The following KLHL22 variants were observed in gnomAD, a reference collection of about 807,000 sequenced individuals.
The protein encoded by KLHL22 is kelch-like protein 22.
KLHL22 carries 18 observed loss-of-function variants against 60.7 expected under a neutral mutation model. That is an observed-to-expected ratio of 0.30 (90% CI 0.20 to 0.44). KLHL22 has a LOEUF of 0.44. KLHL22 is among the 20% of genes least tolerant of loss of function. The probability of loss-of-function intolerance (pLI) is 1.00; values close to 1 mark genes in which losing one functional copy is unlikely to be tolerated. For missense variants in KLHL22, 596 were observed against 852.3 expected, an observed-to-expected ratio of 0.70 and a Z score of 3.74; for synonymous variants, 355 against 354.5, an observed-to-expected ratio of 1.00 and a Z score of -0.01.
chr22:20,472,344 C>A (rs1181965332), intron 2 of KLHL22, among the ~76,000 whole-genome samples: 1 of 150,682 alleles, frequency 6.6e-6, no homozygotes, highest in African/African-American at 2.4e-5. Context: ...TAATCCCAAC[C>A]CTCTGGGAGG....
intron 1 of KLHL22, among the ~76,000 whole-genome samples, chr22:20,490,243 T>A (rs1601395593): frequency 6.6e-6 from 1 of 152,212 alleles, no homozygotes; most frequent in Non-Finnish European, 1.5e-5. Context: ...TTACCTCCAG[T>A]CATGCATCAC....
chr22:20,486,923 C>T (rs1248179176), intron 2 of KLHL22, among the ~76,000 whole-genome samples: 3 of 151,698 alleles, frequency 2.0e-5, no homozygotes, highest in East Asian at 1.9e-4. Flanking sequence ...TCAAGTTATC[C>T]GCCCTCCTTG....
rs3071909 is a variant in KLHL22 at position 20,443,353 on chromosome 22, C to CAA, written c.1540-917_1540-916dup. ...AGATAGGATCAAGGGTACAAGAATA[C>CAA]AAAAAAAAAAAGGATTAAGGGTGCA... is the stretch of plus-strand genomic sequence containing the variant. On this transcript the variant is annotated intron_variant, in intron 6 of 6. Coordinates refer to ENST00000328879, the MANE Select transcript of KLHL22 (RefSeq NM_032775.4). Among the ~76,000 whole-genome samples the CAA allele has an allele frequency of 1.8e-3, 266 of 148,616 alleles. 1 individual carries two copies. Among genetic ancestry groups the CAA allele is most frequent in the Middle Eastern group, 0.014 (4 of 290 alleles).
intron 6 of KLHL22, among the ~76,000 whole-genome samples, chr22:20,445,127 C>A (rs1195017876): frequency 6.6e-6 from 1 of 151,934 alleles, no homozygotes; most frequent in Non-Finnish European, 1.5e-5. Context: ...AGAAAACATA[C>A]ACGGTCAATG....
In KLHL22 at chr22:20,467,437, C is replaced by A. The variant is rs562868019; in HGVS notation, c.394-1861G>T. ...AAGTTCCCCTAATAAACGCTCTGGC[C>A]AGATCACCCTGGTGTTTGATGCTTC... On this transcript the variant is annotated intron_variant, in intron 3 of 6. Transcript: ENST00000328879. 2.6e-5 allele frequency among the ~76,000 whole-genome samples: 4 copies of A among 152,312 alleles called. No homozygotes were observed. The South Asian group carries it at 8.3e-4, about 32-fold the overall frequency.
intron 2 of KLHL22, among the ~76,000 whole-genome samples, chr22:20,479,235 C>T (rs2053461894): frequency 6.6e-6 from 1 of 151,826 alleles, no homozygotes; most frequent in African/African-American, 2.4e-5. Flanking sequence ...CATGCACCAT[C>T]ATGCCTGGCC....
chr22:20,476,762 G>A (rs992447033), intron 2 of KLHL22, among the ~76,000 whole-genome samples: 1 of 145,756 alleles, frequency 6.9e-6, no homozygotes. Flanking sequence ...AGGCTGGAGT[G>A]CAATGGCGCA....
At chr22:20,486,109 G>A (rs1324403913) in intron 2 of KLHL22, among the ~76,000 whole-genome samples, 2 of 148,280 alleles carry the variant, frequency 1.3e-5, no homozygotes, top group Non-Finnish European at 3.0e-5. Context: ...AGAGGTTGCA[G>A]TGAGCCGAGA....
intron 3 of KLHL22, 34 bp downstream of exon 3, chr22:20,471,316 G>A: frequency 1.9e-6 from 3 of 1,601,102 alleles, no homozygotes; most frequent in Admixed American, 1.7e-5. Context: ...CCACCTGGGT[G>A]TGGGTCTGCC....
chr22:20,456,963 A>G (rs950797518), intron 5 of KLHL22, among the ~76,000 whole-genome samples: 1 of 152,106 alleles, frequency 6.6e-6, no homozygotes, highest in Admixed American at 6.5e-5. Flanking sequence ...GTTATCCCCA[A>G]AGGTGTACCT....
Position 20,441,684 on chromosome 22 carries a change from C to T in KLHL22, c.*389G>A, listed in dbSNP as rs1166752058. The T allele has an allele frequency of 4.9e-6, 1 of 203,228 alleles. No homozygotes were observed. Among genetic ancestry groups the T allele is most frequent in the African/African-American group, 2.3e-5 (1 of 42,984 alleles). The allele number at this position is 203,228 out of a possible 1,614,324, so 12.6% of individuals were successfully genotyped here. A position where few individuals can be genotyped will look rare whatever the true frequency, so the allele number is the denominator to read the frequency against. On this transcript the variant is annotated 3_prime_UTR_variant, in exon 7 of 7. Coordinates refer to ENST00000328879, the MANE Select transcript of KLHL22 (RefSeq NM_032775.4). ...TCTCATCCTCCAACCCCAGCTGCCCCCACAGCCCCACCCCATTCACAGAAA... is the reference window on the plus strand; with the variant it reads ...TCTCATCCTCCAACCCCAGCTGCCCTCACAGCCCCACCCCATTCACAGAAA...
At chr22:20,473,173 TGA>T (rs1354490554) in intron 2 of KLHL22, among the ~76,000 whole-genome samples, 5 of 152,324 alleles carry the variant, frequency 3.3e-5, no homozygotes, top group African/African-American at 9.6e-5. Flanking sequence ...CAATTAGGCC[TGA>T]GATTCCTGTG....
chr22:20,459,834 G>C (rs1240724112), intron 4 of KLHL22, among the ~76,000 whole-genome samples: 1 of 152,226 alleles, frequency 6.6e-6, no homozygotes, highest in Non-Finnish European at 1.5e-5. Flanking sequence ...CTGCAGAATG[G>C]AAACAGGCTA....
chr22:20,450,104 C>G lies in KLHL22; in HGVS notation c.1306-3428G>C. The G allele has an allele frequency of 3.9e-6, 3 of 769,464 alleles. No individual in the cohort carries two copies. In the Middle Eastern group the frequency reaches 7.6e-4, roughly 194 times the overall value. 47.7% of individuals were successfully genotyped at this position (769,464 alleles called of 1,614,324 possible). A position where few individuals can be genotyped will look rare whatever the true frequency, so the allele number is the denominator to read the frequency against. On this transcript the variant is annotated intron_variant, in intron 5 of 6. Transcript: ENST00000328879. ...CAGAATCCAAGGACCTATTTTTGTT[C>G]TTTCTCCGCACTGCTTTATGGGAGG...
intron 5 of KLHL22, among the ~76,000 whole-genome samples, chr22:20,457,346 G>C (rs2053079003): frequency 1.3e-5 from 2 of 151,918 alleles, no homozygotes; most frequent in South Asian, 4.2e-4. Flanking sequence ...GTGTTTCTTG[G>C]CTCTGGAAGG....
chr22:20,454,306 G>A (rs2146190616), intron 5 of KLHL22, among the ~76,000 whole-genome samples: 1 of 152,172 alleles, frequency 6.6e-6, no homozygotes, highest in East Asian at 1.9e-4. Flanking sequence ...TCCAGCCTGG[G>A]TGACAGAGCG....
intron 5 of KLHL22, chr22:20,451,837 C>T (rs2052984596): frequency 6.3e-7 from 1 of 1,599,702 alleles, no homozygotes; most frequent in Non-Finnish European, 8.6e-7. Flanking sequence ...ATTGTTGGAG[C>T]ACCATCCAGA....
chr22:20,444,286 AG>A (rs1474039530), intron 6 of KLHL22, among the ~76,000 whole-genome samples: 1 of 152,174 alleles, frequency 6.6e-6, no homozygotes, highest in Non-Finnish European at 1.5e-5. Flanking sequence ...GATCCCCACT[AG>A]GGTCTCCACA....
chr22:20,494,365 C>A (rs1357675973), intron 1 of KLHL22, among the ~76,000 whole-genome samples: 1 of 152,134 alleles, frequency 6.6e-6, no homozygotes, highest in Non-Finnish European at 1.5e-5. Context: ...GAGCTCACCA[C>A]TGCGCCCGGC....
Sources: allele counts gnomAD v4.1 joint callset (sites outside exome capture counted in the v4.1 genomes callset), GRCh38; gene constraint gnomAD v4.1.1; transcripts MANE v1.5; gene names NCBI Gene and HGNC (gene_info 2026-07-23, HGNC 2026-07-21).